ARHGEF11: variants seen among roughly 807,000 people sequenced by gnomAD.
ARHGEF11 encodes the protein Rho guanine exchange factor (GEF) 11.
A neutral mutation model predicts 193.7 loss-of-function variants in ARHGEF11; 55 were observed. The ratio of observed to expected loss-of-function variants is 0.28; its 90% CI spans 0.23 to 0.36. ARHGEF11 has a LOEUF of 0.36. Among genes scored for constraint, ARHGEF11 ranks in the 10% least tolerant of loss-of-function variants. The probability of loss-of-function intolerance (pLI) is 1.00; values close to 1 mark genes in which losing one functional copy is unlikely to be tolerated. For synonymous variants in ARHGEF11, 693 were observed against 768.0 expected (o/e 0.90, Z 1.62); for missense variants, 1,723 against 2,005.6 (o/e 0.86, Z 2.69).
chr1:156,991,107 C>A (rs1221567631), intron 1 of ARHGEF11, among the ~76,000 whole-genome samples: 3 of 152,188 alleles, frequency 2.0e-5, no homozygotes, highest in Non-Finnish European at 2.9e-5. Flanking sequence ...ATATTGAGAA[C>A]CCCGTTCCTA....
At position 156,936,939 on chromosome 1, in the gene ARHGEF11, G is replaced by C; in HGVS notation, c.4507C>G (p.Pro1503Ala). 6.2e-7 allele frequency: 1 copy of C among 1,614,120 alleles called. No individual in the cohort carries two copies. Among genetic ancestry groups the C allele is most frequent in the Non-Finnish European group, 8.5e-7 (1 of 1,180,014 alleles). ...GCTTCTGTGTGGAAACTGCCCACAG[G>C]CGTGGTGCCACCAGATGACTCTCCC... Reference protein sequence around the residue: ...LGGESSGGTTPVGSFHTEAAR... With the variant: ...LGGESSGGTTAVGSFHTEAAR... Residue 1503 changes from proline (P) to alanine (A), a missense_variant, in exon 40 of 41, where the codon CCT (proline) becomes GCT (alanine). Physicochemically the swap from Pro to Ala is conservative, Grantham distance 27 (BLOSUM62 -1). Transcript: ENST00000368194.
At chr1:157,024,098 G>T (rs1172797444) in intron 1 of ARHGEF11, among the ~76,000 whole-genome samples, 1 of 10,570 alleles carries the variant, frequency 9.5e-5, no homozygotes, top group Non-Finnish European at 1.2e-3. Flanking sequence ...ATATTAATTG[G>T]CATAAAAAAA....
chr1:157,024,933 T>C (rs185981899), intron 1 of ARHGEF11, among the ~76,000 whole-genome samples: 2 of 152,344 alleles, frequency 1.3e-5, no homozygotes, highest in African/African-American at 4.8e-5. Flanking sequence ...TTTTAAAATG[T>C]GTGTTAGATA....
intron 1 of ARHGEF11, among the ~76,000 whole-genome samples, chr1:157,031,394 G>C (rs1329206459): frequency 1.3e-5 from 2 of 152,118 alleles, no homozygotes; most frequent in Non-Finnish European, 2.9e-5. Flanking sequence ...CCCTGAACTA[G>C]GCTGAGCTAA....
chr1:157,006,366 C>T (rs962529905), intron 1 of ARHGEF11, among the ~76,000 whole-genome samples: 1 of 152,154 alleles, frequency 6.6e-6, no homozygotes, highest in Non-Finnish European at 1.5e-5. Flanking sequence ...AATCGGAGGG[C>T]CAGTTTAATT....
Position 156,984,502 on chromosome 1 carries a change from A to C in ARHGEF11, c.125-65T>G, listed in dbSNP as rs531813087. On this transcript the variant is annotated intron_variant, in intron 2 of 40. Transcript: ENST00000368194. ...GGGAGGTTAGTGTACACATGCCAAGACCAACCCAGGGAAGCCCCAGTGCCT... is the reference window on the plus strand; with the variant it reads ...GGGAGGTTAGTGTACACATGCCAAGCCCAACCCAGGGAAGCCCCAGTGCCT... 5.6e-6 allele frequency: 7 copies of C among 1,249,940 alleles called. 1 individual carries two copies. In the South Asian group the frequency reaches 8.1e-5, roughly 14 times the overall value. 77.4% of individuals were successfully genotyped at this position (1,249,940 alleles called of 1,614,324 possible).
intron 1 of ARHGEF11, among the ~76,000 whole-genome samples, chr1:156,992,472 T>C (rs1048017467): frequency 6.6e-6 from 1 of 152,122 alleles, no homozygotes; most frequent in Non-Finnish European, 1.5e-5. Flanking sequence ...CTTCTAACTA[T>C]GCATCCACAT....
chr1:156,947,176 C>A (rs1658299336), intron 26 of ARHGEF11, 128 bp downstream of exon 26: 1 of 1,486,952 alleles, frequency 6.7e-7, no homozygotes, highest in East Asian at 2.3e-5. Context: ...AGGCTGTCCA[C>A]AGATCTTTTT....
Position 156,948,612 on chromosome 1 carries a change from C to T in ARHGEF11, c.1926-114G>A. 1 of 1,597,256 alleles carries T rather than the reference C, an allele frequency of 6.3e-7. No individual in the cohort carries two copies. Among genetic ancestry groups the T allele is most frequent in the Non-Finnish European group, 8.5e-7 (1 of 1,173,976 alleles). On this transcript the variant is annotated intron_variant, in intron 22 of 40. Transcript: ENST00000368194. This position sits in a 1 kb window ranked among gnomAD's most constrained non-coding sequence, Gnocchi z 4.2. Reference sequence around the variant, plus strand: ...CAAAGATGCCTCCGTGCCACAGGTTCTCCTCCTGAACATGGCCAAAGCAGC... The same window carrying T: ...CAAAGATGCCTCCGTGCCACAGGTTTTCCTCCTGAACATGGCCAAAGCAGC...
intron 11 of ARHGEF11, among the ~76,000 whole-genome samples, chr1:156,965,559 T>C (rs942521972): frequency 1.3e-5 from 2 of 152,226 alleles, no homozygotes; most frequent in African/African-American, 4.8e-5. Context: ...GGCATTTTAA[T>C]ACCTGTCCGA....
intron 3 of ARHGEF11, among the ~76,000 whole-genome samples, chr1:156,983,418 T>G (rs1190851544): frequency 6.6e-6 from 1 of 152,136 alleles, no homozygotes. Context: ...GAGACAGGGT[T>G]TCACCATGTT....
chr1:156,958,997 A>G (rs1291130823), intron 16 of ARHGEF11, 49 bp downstream of exon 16: 4 of 1,611,176 alleles, frequency 2.5e-6, no homozygotes, highest in Admixed American at 3.3e-5. Context: ...CAGGGCCAAG[A>G]GGCGGAGGTG....
chr1:157,039,727 G>C (rs2103086151), intron 1 of ARHGEF11, among the ~76,000 whole-genome samples: 1 of 152,208 alleles, frequency 6.6e-6, no homozygotes, highest in Admixed American at 6.5e-5. Flanking sequence ...CAATAAAAAT[G>C]AATTTTTAAA....
At chr1:156,974,395 C>G (rs1255794114) in intron 7 of ARHGEF11, among the ~76,000 whole-genome samples, 1 of 152,160 alleles carries the variant, frequency 6.6e-6, no homozygotes, top group African/African-American at 2.4e-5. Flanking sequence ...GTTCTATTAA[C>G]AGCAGACTGA....
At chr1:157,000,389 G>C (rs1258949903) in intron 1 of ARHGEF11, among the ~76,000 whole-genome samples, 2 of 152,172 alleles carry the variant, frequency 1.3e-5, no homozygotes, top group Non-Finnish European at 2.9e-5. Flanking sequence ...TTTCTTCAAA[G>C]AAGGCATACT....
chr1:156,948,640 G>C lies in ARHGEF11; in HGVS notation c.1926-142C>G. 1 of 1,567,974 alleles carries C rather than the reference G, an allele frequency of 6.4e-7. No homozygotes were observed. Among genetic ancestry groups the C allele is most frequent in the Non-Finnish European group, 8.6e-7 (1 of 1,161,336 alleles). Reference sequence around the variant, plus strand: ...CTCCTGAACATGGCCAAAGCAGCTGGATGGCAGTGGAAGCTTCTCAATGAC... The same window carrying C: ...CTCCTGAACATGGCCAAAGCAGCTGCATGGCAGTGGAAGCTTCTCAATGAC... On this transcript the variant is annotated intron_variant, in intron 22 of 40. Transcript: ENST00000368194. This position sits in a 1 kb window ranked among gnomAD's most constrained non-coding sequence, Gnocchi z 4.2.
intron 11 of ARHGEF11, 72 bp downstream of exon 11, chr1:156,967,915 C>T (rs2102264136): frequency 1.9e-6 from 3 of 1,607,080 alleles, no homozygotes; most frequent in Non-Finnish European, 2.6e-6. Flanking sequence ...AGACGATGTA[C>T]TGGTAACACC....
intron 40 of ARHGEF11, chr1:156,936,390 T>C: frequency 2.5e-6 from 1 of 405,770 alleles, no homozygotes; most frequent in Non-Finnish European, 4.8e-6. Context: ...CCAGCTGCTT[T>C]GGAGGCTGAG....
chr1:157,032,626 G>A lies in ARHGEF11; in HGVS notation c.32+11673C>T, dbSNP rs1249773678. Among the ~76,000 whole-genome samples the A allele has an allele frequency of 3.3e-5, 5 of 152,268 alleles. 1 individual carries two copies. The South Asian group carries it at 1.0e-3, about 32-fold the overall frequency. ...AAAGTCCTACCTGACAGGACCAGGA[G>A]CGACATTTTTTTTTTCCTTTCTGAT... On this transcript the variant is annotated intron_variant, in intron 1 of 40. Transcript: ENST00000368194.
Sources: allele counts gnomAD v4.1 joint callset (sites outside exome capture counted in the v4.1 genomes callset), GRCh38; gene constraint gnomAD v4.1.1; non-coding constraint Gnocchi (gnomAD v3.1); transcripts MANE v1.5; gene names NCBI Gene and HGNC (gene_info 2026-07-23, HGNC 2026-07-21).